The following LMX1A variants were observed in gnomAD, a reference collection of about 807,000 sequenced individuals.
The protein encoded by LMX1A is LIM homeobox transcription factor 1-alpha.
In LMX1A, 15 loss-of-function variants were observed where a neutral mutation model predicts 49.1. The observed-to-expected ratio is 0.31, with a 90% confidence interval of 0.20 to 0.47. LMX1A has a LOEUF of 0.47. Among genes scored for constraint, LMX1A ranks in the 20% least tolerant of loss-of-function variants. The probability of loss-of-function intolerance (pLI) is 1.00; values close to 1 mark genes in which losing one functional copy is unlikely to be tolerated. For synonymous variants in LMX1A, 167 were observed against 185.7 expected (o/e 0.90, Z 0.82); for missense variants, 372 against 475.8 (o/e 0.78, Z 2.03).
At chr1:165,256,111 A>G (rs1252721427) in intron 3 of LMX1A, among the ~76,000 whole-genome samples, 1 of 152,152 alleles carries the variant, frequency 6.6e-6, no homozygotes, top group Admixed American at 6.5e-5. Context: ...AAGGAGACAC[A>G]CTGCTCGTGG....
chr1:165,243,791 G>A (rs936253519), intron 4 of LMX1A, among the ~76,000 whole-genome samples: 1 of 152,188 alleles, frequency 6.6e-6, no homozygotes, highest in Non-Finnish European at 1.5e-5. Context: ...GAAGTCAAGG[G>A]CTCCTGTGAT....
intron 8 of LMX1A, among the ~76,000 whole-genome samples, chr1:165,205,114 G>T (rs947272321): frequency 3.9e-5 from 6 of 152,228 alleles, no homozygotes; most frequent in African/African-American, 1.2e-4. Context: ...TTAACTATCA[G>T]TGTAATCTAT....
At chr1:165,229,477 C>T (rs905371605) in intron 4 of LMX1A, among the ~76,000 whole-genome samples, 6 of 152,166 alleles carry the variant, frequency 3.9e-5, no homozygotes. Context: ...ACAAGAGCCC[C>T]GCAGTGGGTG....
intron 4 of LMX1A, among the ~76,000 whole-genome samples, chr1:165,215,046 G>T (rs1651589853): frequency 6.6e-6 from 1 of 152,062 alleles, no homozygotes; most frequent in Non-Finnish European, 1.5e-5. Context: ...GGCCGGGTGT[G>T]GTGGCTCAAG....
At chr1:165,279,119 A>T (rs1654062771) in intron 3 of LMX1A, among the ~76,000 whole-genome samples, 1 of 152,208 alleles carries the variant, frequency 6.6e-6, no homozygotes, top group African/African-American at 2.4e-5. Flanking sequence ...ATTTTCCCTC[A>T]TCAATGAGTT....
chr1:165,248,733 G>C (rs1283961321), intron 4 of LMX1A, among the ~76,000 whole-genome samples: 1 of 152,108 alleles, frequency 6.6e-6, no homozygotes, highest in Non-Finnish European at 1.5e-5. Flanking sequence ...CAAAAGCTTA[G>C]GGCAGTTCAG....
At chr1:165,247,048 C>CTTTTTTTTTTTTT (rs1204141626) in intron 4 of LMX1A, among the ~76,000 whole-genome samples, 3 of 21,422 alleles carry the variant, frequency 1.4e-4, no homozygotes, top group Non-Finnish European at 1.6e-4. Context: ...ATCAGATCAG[C>CTTTTTTTTTTTTT]TTTTTCTTTT....
intron 3 of LMX1A, among the ~76,000 whole-genome samples, chr1:165,333,044 G>A (rs1239511886): frequency 6.6e-6 from 1 of 152,190 alleles, no homozygotes; most frequent in Non-Finnish European, 1.5e-5. Context: ...GCCTCTTGGA[G>A]CCTCGATTTC....
chr1:165,277,003 T>C (rs930745046), intron 3 of LMX1A, among the ~76,000 whole-genome samples: 1 of 152,190 alleles, frequency 6.6e-6, no homozygotes, highest in Non-Finnish European at 1.5e-5. Context: ...CATGCCACAA[T>C]TGTGTCAATA....
intron 3 of LMX1A, among the ~76,000 whole-genome samples, chr1:165,291,361 T>C (rs188944418): frequency 1.3e-5 from 2 of 152,318 alleles, no homozygotes; most frequent in Admixed American, 6.5e-5. Flanking sequence ...TACCTGTACC[T>C]GGCTTAGAGA....
intron 3 of LMX1A, among the ~76,000 whole-genome samples, chr1:165,345,189 G>A (rs1365053301): frequency 2.6e-5 from 4 of 152,154 alleles, no homozygotes; most frequent in South Asian, 2.1e-4. Context: ...GTTTTGTTTC[G>A]AAAAGTCCTT....
At chr1:165,281,097 G>C (rs1654132972) in intron 3 of LMX1A, among the ~76,000 whole-genome samples, 2 of 152,134 alleles carry the variant, frequency 1.3e-5, no homozygotes, top group African/African-American at 2.4e-5. Context: ...CCTCAAGCAA[G>C]ATTCTGTGTT....
chr1:165,252,156 C>G (rs1341907718), intron 3 of LMX1A, among the ~76,000 whole-genome samples: 1 of 152,210 alleles, frequency 6.6e-6, no homozygotes, highest in Non-Finnish European at 1.5e-5. Context: ...ATTTCAAGAA[C>G]AAGGCCTATG....
intron 3 of LMX1A, among the ~76,000 whole-genome samples, chr1:165,265,637 G>A (rs1175074909): frequency 3.3e-5 from 5 of 152,170 alleles, no homozygotes; most frequent in Non-Finnish European, 7.3e-5. Flanking sequence ...GTACCAATGA[G>A]AGCTACCCTG....
At chr1:165,249,691 G>A in intron 3 of LMX1A, 51 bp from the exon 4 acceptor site, 2 of 1,419,182 alleles carry the variant, frequency 1.4e-6, no homozygotes, top group Non-Finnish European at 2.0e-6. Flanking sequence ...AATCTGGCTT[G>A]GTCCTGGGTC....
Position 165,355,836 on chromosome 1 carries a change from C to A in LMX1A, c.-22-255G>T. On this transcript the variant is annotated intron_variant, in intron 1 of 8. Coordinates refer to ENST00000342310, the MANE Select transcript of LMX1A (RefSeq NM_177398.4). The surrounding 1 kb of genome is among the most constrained non-coding windows in gnomAD (Gnocchi z 4.7). ...CCGCCCCCCAACTGCGTTTCTCCTT[C>A]TCCTGCCCCCCTCACCCCCACCTAC... 2.0e-6 allele frequency: 1 copy of A among 488,214 alleles called. No individual in the cohort carries two copies. Among genetic ancestry groups the A allele is most frequent in the Non-Finnish European group, 3.7e-6 (1 of 272,936 alleles). 30.2% of individuals were successfully genotyped at this position (488,214 alleles called of 1,614,324 possible). A position where few individuals can be genotyped will look rare whatever the true frequency, so the allele number is the denominator to read the frequency against.
At chr1:165,326,174 T>G (rs562075801) in intron 3 of LMX1A, among the ~76,000 whole-genome samples, 164 of 152,146 alleles carry the variant, frequency 1.1e-3, no homozygotes, top group African/African-American at 3.7e-3. Context: ...AAATGATGAT[T>G]AAAGGAGCTA....
At chr1:165,297,203 A>G in intron 3 of LMX1A, among the ~76,000 whole-genome samples, 1 of 152,148 alleles carries the variant, frequency 6.6e-6, no homozygotes, top group East Asian at 1.9e-4. Flanking sequence ...CCTTGTGTTC[A>G]CCCAGGTGCT....
intron 4 of LMX1A, among the ~76,000 whole-genome samples, chr1:165,214,133 C>T (rs376430687): frequency 5.3e-5 from 8 of 152,296 alleles, no homozygotes; most frequent in South Asian, 2.1e-4. Flanking sequence ...GTAATCTCCA[C>T]GTGTTGATGG....
Sources: allele counts gnomAD v4.1 joint callset (sites outside exome capture counted in the v4.1 genomes callset), GRCh38; gene constraint gnomAD v4.1.1; non-coding constraint Gnocchi (gnomAD v3.1); transcripts MANE v1.5; gene names NCBI Gene and HGNC (gene_info 2026-07-23, HGNC 2026-07-21).